Variants in GABRB1 observed in about 807,000 individuals in gnomAD.
GABRB1 encodes the protein gamma-aminobutyric acid type A receptor subunit beta1.
In GABRB1, 17 loss-of-function variants were observed where a neutral mutation model predicts 51.6. The ratio of observed to expected loss-of-function variants is 0.33; its 90% CI spans 0.23 to 0.49. The LOEUF (loss-of-function observed/expected upper bound fraction) is 0.49. Among genes scored for constraint, GABRB1 ranks in the 20% least tolerant of loss-of-function variants. The pLI is 0.99. For missense variants in GABRB1, 410 were observed against 600.6 expected, an observed-to-expected ratio of 0.68 and a Z score of 3.32; for synonymous variants, 247 against 218.9, an observed-to-expected ratio of 1.13 and a Z score of -1.14.
intron 1 of GABRB1, among the ~76,000 whole-genome samples, chr4:47,023,463 C>A (rs925603947): frequency 1.2e-4 from 18 of 151,628 alleles, no homozygotes; most frequent in Non-Finnish European, 2.4e-4. Flanking sequence ...TTAAAATTGC[C>A]ATTTTCAAGT....
intron 4 of GABRB1, among the ~76,000 whole-genome samples, chr4:47,250,330 T>C (rs1721937957): frequency 6.6e-6 from 1 of 152,222 alleles, no homozygotes; most frequent in Admixed American, 6.5e-5. Flanking sequence ...GCTGTTAATC[T>C]GATAGATTTT....
chr4:47,073,117 T>G (rs62305289), intron 3 of GABRB1, among the ~76,000 whole-genome samples: 34,316 of 152,128 alleles, frequency 0.23, 4,944 homozygotes, highest in Middle Eastern at 0.33. Flanking sequence ...TGGCAATAGC[T>G]GTTTTCCACT....
At chr4:47,339,621 A>G (rs1307239786) in intron 5 of GABRB1, among the ~76,000 whole-genome samples, 1 of 151,648 alleles carries the variant, frequency 6.6e-6, no homozygotes, top group African/African-American at 2.4e-5. Context: ...AGGAAAAGTA[A>G]GAGAGTTGTC....
chr4:47,380,545 T>G (rs28547148), intron 5 of GABRB1, among the ~76,000 whole-genome samples: 35,933 of 152,086 alleles, frequency 0.24, 4,824 homozygotes, highest in African/African-American at 0.37. Flanking sequence ...CTAGTACAAT[T>G]TTATTAAAAA....
At chr4:47,061,525 C>T (rs950245988) in intron 3 of GABRB1, among the ~76,000 whole-genome samples, 1 of 151,954 alleles carries the variant, frequency 6.6e-6, no homozygotes, top group Non-Finnish European at 1.5e-5. Flanking sequence ...CTAGTAAATC[C>T]TACTAGGAAA....
chr4:47,273,296 A>G (rs1196476134), intron 4 of GABRB1, among the ~76,000 whole-genome samples: 1 of 152,228 alleles, frequency 6.6e-6, no homozygotes, highest in Non-Finnish European at 1.5e-5. Context: ...TTCAATGCAC[A>G]TGCTAAATAA....
intron 5 of GABRB1, among the ~76,000 whole-genome samples, chr4:47,352,655 T>A (rs907557775): frequency 2.6e-5 from 4 of 152,220 alleles, no homozygotes; most frequent in Non-Finnish European, 5.9e-5. Flanking sequence ...AACAGAATTT[T>A]GGTTTCTTTA....
At chr4:47,224,416 C>T (rs1720875937) in intron 4 of GABRB1, among the ~76,000 whole-genome samples, 1 of 152,072 alleles carries the variant, frequency 6.6e-6, no homozygotes, top group Non-Finnish European at 1.5e-5. Flanking sequence ...GGCTCAAGCC[C>T]AAATACAAGA....
At chr4:47,356,434 G>A (rs1238187364) in intron 5 of GABRB1, among the ~76,000 whole-genome samples, 1 of 152,160 alleles carries the variant, frequency 6.6e-6, no homozygotes, top group Non-Finnish European at 1.5e-5. Context: ...CACTTCCAGA[G>A]AGCAAATTTT....
At chr4:47,257,661 A>G (rs140802544) in intron 4 of GABRB1, among the ~76,000 whole-genome samples, 5 of 152,132 alleles carry the variant, frequency 3.3e-5, no homozygotes, top group African/African-American at 1.2e-4. Context: ...CTAGCTAAAT[A>G]AATTTTTACA....
intron 4 of GABRB1, among the ~76,000 whole-genome samples, chr4:47,165,672 G>A (rs2109745481): frequency 6.6e-6 from 1 of 152,054 alleles, no homozygotes; most frequent in South Asian, 2.1e-4. Context: ...GATTCTTCAC[G>A]ATTTGATCAG....
chr4:47,402,193 C>T (rs1728419469), intron 5 of GABRB1, among the ~76,000 whole-genome samples: 1 of 152,058 alleles, frequency 6.6e-6, no homozygotes, highest in Non-Finnish European at 1.5e-5. Flanking sequence ...TGATGGTGAC[C>T]CTTTGGCACC....
chr4:47,081,965 T>C (rs2109568532), intron 3 of GABRB1, among the ~76,000 whole-genome samples: 1 of 152,206 alleles, frequency 6.6e-6, no homozygotes, highest in East Asian at 1.9e-4. Flanking sequence ...TTCTTGCTTC[T>C]TTCACAAAAT....
intron 4 of GABRB1, among the ~76,000 whole-genome samples, chr4:47,285,043 G>T (rs189009479): frequency 5.9e-4 from 90 of 152,298 alleles, no homozygotes; most frequent in African/African-American, 2.0e-3. Flanking sequence ...TCTTCTTATA[G>T]TTTGCAATAC....
At chr4:47,113,782 C>A (rs867510267) in intron 3 of GABRB1, among the ~76,000 whole-genome samples, 3 of 152,188 alleles carry the variant, frequency 2.0e-5, no homozygotes, top group Non-Finnish European at 2.9e-5. Flanking sequence ...GTTGGTTTCA[C>A]CAATAAATCC....
intron 3 of GABRB1, among the ~76,000 whole-genome samples, chr4:47,062,908 A>C (rs1241631141): frequency 1.3e-5 from 2 of 152,124 alleles, no homozygotes; most frequent in Non-Finnish European, 2.9e-5. Context: ...AAGCCATACT[A>C]TCCCTTCCCT....
chr4:47,029,424 A>T (rs1382258949), upstream of GABRB1, among the ~76,000 whole-genome samples: 1 of 151,786 alleles, frequency 6.6e-6, no homozygotes, highest in Non-Finnish European at 1.5e-5. Context: ...TTTCTTATTT[A>T]CTTCTGGAAG....
chr4:47,210,010 C>G (rs1720293706), intron 4 of GABRB1, among the ~76,000 whole-genome samples: 1 of 152,070 alleles, frequency 6.6e-6, no homozygotes, highest in Non-Finnish European at 1.5e-5. Flanking sequence ...TTCCTGCCGT[C>G]AGGATGACAG....
At chr4:47,247,643 C>G (rs1478156415) in intron 4 of GABRB1, among the ~76,000 whole-genome samples, 1 of 151,886 alleles carries the variant, frequency 6.6e-6, no homozygotes, top group East Asian at 1.9e-4. Context: ...TTGATTCTAC[C>G]CAACCATGAG....
Sources: gnomAD v4.1 joint callset for allele counts (sites outside exome capture counted in the v4.1 genomes callset) on GRCh38, gnomAD v4.1.1 for gene constraint, MANE v1.5 for transcripts, NCBI Gene and HGNC (gene_info 2026-07-23, HGNC 2026-07-21) for gene names.